AK9: variants seen among roughly 807,000 people sequenced by gnomAD.
The protein encoded by AK9 is adenylate kinase 9.
Under a neutral mutation model 239.6 loss-of-function variants are expected in AK9, and 191 were observed. The observed-to-expected ratio is 0.80, with a 90% CI of 0.71 to 0.90. The LOEUF is 0.90. AK9 is among the 40% of genes least tolerant of loss of function. The probability of loss-of-function intolerance (pLI) is 0.00; values close to 1 mark genes in which losing one functional copy is unlikely to be tolerated. For missense variants in AK9, 1,995 were observed against 2,214.7 expected (o/e 0.90, Z 1.99); for synonymous variants, 689 against 721.0 (o/e 0.96, Z 0.71).
intron 17 of AK9, among the ~76,000 whole-genome samples, chr6:109,596,760 G>C (rs1791087920): frequency 6.6e-6 from 1 of 151,306 alleles, no homozygotes; most frequent in South Asian, 2.1e-4. Flanking sequence ...TGGACACTTA[G>C]GTTGATTCCA....
chr6:109,552,853 C>T (rs1177175989), intron 24 of AK9, among the ~76,000 whole-genome samples: 2 of 152,098 alleles, frequency 1.3e-5, no homozygotes, highest in Non-Finnish European at 2.9e-5. Flanking sequence ...ACATTTAAGT[C>T]TTTAATCCAT....
chr6:109,617,659 T>C (rs965771180), intron 13 of AK9, among the ~76,000 whole-genome samples: 5 of 152,164 alleles, frequency 3.3e-5, no homozygotes, highest in African/African-American at 1.2e-4. Context: ...AATAATTACA[T>C]CTTAATTAGA....
intron 26 of AK9, among the ~76,000 whole-genome samples, chr6:109,542,891 G>T (rs1368697449): frequency 2.0e-5 from 3 of 152,056 alleles, no homozygotes; most frequent in Non-Finnish European, 4.4e-5. Context: ...GTAATAATAT[G>T]ATTGATTTTC....
chr6:109,629,278 C>T (rs948105242), intron 12 of AK9, among the ~76,000 whole-genome samples: 2 of 151,976 alleles, frequency 1.3e-5, no homozygotes, highest in Non-Finnish European at 2.9e-5. Flanking sequence ...ATTTATAATG[C>T]ATTATACCTT....
chr6:109,624,511 C>G (rs1054274600), intron 12 of AK9, among the ~76,000 whole-genome samples: 2 of 152,184 alleles, frequency 1.3e-5, no homozygotes, highest in Non-Finnish European at 2.9e-5. Flanking sequence ...GCCACTCCCC[C>G]CAAAAATTGT....
chr6:109,603,777 G>C (rs565484357), intron 17 of AK9, among the ~76,000 whole-genome samples: 1 of 152,114 alleles, frequency 6.6e-6, no homozygotes, highest in African/African-American at 2.4e-5. Context: ...GATGGCAGGC[G>C]CCCCTCCCCC....
chr6:109,657,452 T>C (rs1799839913), intron 7 of AK9, among the ~76,000 whole-genome samples: 1 of 152,048 alleles, frequency 6.6e-6, no homozygotes, highest in Admixed American at 6.6e-5. Context: ...AGAAGCTGTT[T>C]ACATCAAGTG....
chr6:109,560,592 C>T (rs1785628584), intron 24 of AK9, among the ~76,000 whole-genome samples: 2 of 152,184 alleles, frequency 1.3e-5, no homozygotes, highest in South Asian at 4.1e-4. Context: ...TTAAACTAAC[C>T]TTGAATTTCC....
chr6:109,537,389 C>T (rs558426182), intron 27 of AK9, among the ~76,000 whole-genome samples: 8 of 151,704 alleles, frequency 5.3e-5, no homozygotes, highest in Admixed American at 1.3e-4. Flanking sequence ...AGTTTATTTG[C>T]GTAGAGGTGT....
intron 24 of AK9, among the ~76,000 whole-genome samples, chr6:109,559,414 G>A (rs1426659104): frequency 6.6e-5 from 10 of 152,094 alleles, no homozygotes; most frequent in African/African-American, 2.4e-4. Context: ...TGATCTGCCC[G>A]CCTTGGCCTC....
intron 24 of AK9, 69 bp downstream of exon 24, chr6:109,563,528 T>C (rs964681965): frequency 2.6e-6 from 4 of 1,522,562 alleles, no homozygotes; most frequent in Non-Finnish European, 3.5e-6. Context: ...AAAGTGATAG[T>C]TACCACTCTT....
chr6:109,577,777 T>C (rs1788278003), intron 20 of AK9, among the ~76,000 whole-genome samples: 1 of 152,138 alleles, frequency 6.6e-6, no homozygotes, highest in African/African-American at 2.4e-5. Context: ...ATAAAGGTGT[T>C]CATAGTAGCC....
intron 17 of AK9, among the ~76,000 whole-genome samples, chr6:109,603,247 T>A (rs1792312762): frequency 6.6e-6 from 1 of 152,150 alleles, no homozygotes; most frequent in African/African-American, 2.4e-5. Flanking sequence ...CAGATGAGGT[T>A]TTGGTGTGGG....
chr6:109,609,703 T>A (rs376306724), intron 17 of AK9, among the ~76,000 whole-genome samples: 3 of 152,160 alleles, frequency 2.0e-5, no homozygotes, highest in Non-Finnish European at 4.4e-5. Context: ...TTTTTTCACA[T>A]AGTAATTTTA....
intron 17 of AK9, among the ~76,000 whole-genome samples, chr6:109,591,746 T>G (rs562415219): frequency 9.1e-4 from 139 of 152,290 alleles, no homozygotes; most frequent in Admixed American, 2.1e-3. Flanking sequence ...TGGTGATGAA[T>G]TCCCTTATTG....
intron 19 of AK9, among the ~76,000 whole-genome samples, chr6:109,580,624 T>C (rs1176106349): frequency 6.6e-6 from 1 of 152,180 alleles, no homozygotes; most frequent in Non-Finnish European, 1.5e-5. Context: ...TTCCCTTCTT[T>C]TGAAAGCTAG....
chr6:109,596,064 T>C (rs1304383129), intron 17 of AK9, among the ~76,000 whole-genome samples: 1 of 152,046 alleles, frequency 6.6e-6, no homozygotes, highest in Non-Finnish European at 1.5e-5. Flanking sequence ...TTCTATTGGG[T>C]ATTGCAGTTC....
chr6:109,596,113 T>C lies in AK9; in HGVS notation c.1843-10041A>G, dbSNP rs577354941. ...ACAGGTGGCACTTGCAGATAAGAGC[T>C]AGCTGCAGCCAATGCAGATGGGTAT... On this transcript the variant is annotated intron_variant, in intron 17 of 40. Coordinates refer to ENST00000424296, the MANE Select transcript of AK9 (RefSeq NM_001145128.3). 1.6e-4 allele frequency among the ~76,000 whole-genome samples: 24 copies of C among 152,354 alleles called. 1 individual carries two copies. In the South Asian group the frequency reaches 5.0e-3, roughly 32 times the overall value.
chr6:109,641,427 A>T (rs1797428899), intron 10 of AK9, 91 bp downstream of exon 10: 1 of 931,874 alleles, frequency 1.1e-6, no homozygotes, highest in Non-Finnish European at 1.6e-6. Context: ...GGCTCCAGTG[A>T]TCCTCCCATG....
Sources: allele counts gnomAD v4.1 joint callset (sites outside exome capture counted in the v4.1 genomes callset), GRCh38; gene constraint gnomAD v4.1.1; transcripts MANE v1.5; gene names NCBI Gene and HGNC (gene_info 2026-07-23, HGNC 2026-07-21).